PDE2A: variants seen among roughly 807,000 people sequenced by gnomAD.
PDE2A encodes cGMP-dependent 3',5'-cyclic phosphodiesterase.
A neutral mutation model predicts 133.6 loss-of-function variants in PDE2A; 53 were observed. That is an observed-to-expected ratio of 0.40 (90% CI 0.32 to 0.50). PDE2A has a LOEUF of 0.50. PDE2A is among the 20% of genes least tolerant of loss of function. The pLI is 0.73. For missense variants in PDE2A, 796 were observed against 1,232.4 expected (o/e 0.65, Z 5.30); for synonymous variants, 491 against 490.2 (o/e 1.00, Z -0.02).
chr11:72,603,774 G>A (rs1421330465), intron 4 of PDE2A, among the ~76,000 whole-genome samples: 5 of 152,194 alleles, frequency 3.3e-5, no homozygotes, highest in Admixed American at 6.5e-5. Flanking sequence ...GCTCCTTGAC[G>A]GAGAAGTTGT....
Position 72,576,992 on chromosome 11 carries a change from G to A in PDE2A, c.*392C>T, listed in dbSNP as rs1197235550. On this transcript the variant is annotated 3_prime_UTR_variant, in exon 31 of 31. Coordinates refer to ENST00000334456, the MANE Select transcript of PDE2A (RefSeq NM_002599.5). The stretch of plus-strand genomic sequence containing the variant: ...ACCTTCCCCTTCCATGAGGATCCTG[G>A]AGACCCCAAAGGGTGGGAGTCCTCA... 1 of 199,482 alleles carries A rather than the reference G, an allele frequency of 5.0e-6. No individual in the cohort carries two copies. Among genetic ancestry groups the A allele is most frequent in the Non-Finnish European group, 1.1e-5 (1 of 93,604 alleles). The allele number at this position is 199,482 out of a possible 1,614,324, so 12.4% of individuals were successfully genotyped here. A position where few individuals can be genotyped will look rare whatever the true frequency, so the allele number is the denominator to read the frequency against.
intron 4 of PDE2A, among the ~76,000 whole-genome samples, chr11:72,603,402 C>T (rs1037709231): frequency 2.0e-5 from 3 of 152,284 alleles, no homozygotes; most frequent in Middle Eastern, 3.4e-3. Flanking sequence ...ATGCCTGGAC[C>T]GCAGATACGC....
At chr11:72,609,444 A>G (rs1472388836) in intron 2 of PDE2A, among the ~76,000 whole-genome samples, 2 of 152,154 alleles carry the variant, frequency 1.3e-5, no homozygotes, top group Non-Finnish European at 2.9e-5. Context: ...TGAGAGTAGC[A>G]AGAGCCTATG....
intron 1 of PDE2A, among the ~76,000 whole-genome samples, chr11:72,667,360 TCTTA>T (rs1301020990): frequency 1.3e-5 from 2 of 152,132 alleles, no homozygotes; most frequent in Non-Finnish European, 2.9e-5. Flanking sequence ...CATTTCCAAA[TCTTA>T]GCCTGTCCCA....
At chr11:72,672,501 G>C (rs1855407679) in intron 1 of PDE2A, among the ~76,000 whole-genome samples, 1 of 152,114 alleles carries the variant, frequency 6.6e-6, no homozygotes, top group Non-Finnish European at 1.5e-5. Context: ...CAGGTTTCTA[G>C]AACCCAAATC....
chr11:72,602,375 T>C (rs1204302089), intron 4 of PDE2A, among the ~76,000 whole-genome samples: 1 of 152,108 alleles, frequency 6.6e-6, no homozygotes, highest in African/African-American at 2.4e-5. Flanking sequence ...GCCTCGGGCC[T>C]CCTTATCTGT....
Position 72,674,196 on chromosome 11 carries a change from T to A in PDE2A, c.12A>T (p.Ala4=), listed in dbSNP as rs1183706394. 18 of 1,611,010 alleles carry A rather than the reference T, an allele frequency of 1.1e-5. No individual in the cohort carries two copies. Among genetic ancestry groups the A allele is most frequent in the Non-Finnish European group, 1.4e-5 (16 of 1,179,722 alleles). The stretch of plus-strand genomic sequence containing the variant: ...TCCTGCAGAGGATGGAGTGGCCGCA[T>A]GCCTGCCCCATCACTCCTCATCGTC... MGQ[A]CGHSILCRSQ... The change falls in exon 1 of 31, where the codon GCA becomes GCT. Residue 4 remains alanine, a synonymous_variant. Transcript: ENST00000334456.
intron 2 of PDE2A, among the ~76,000 whole-genome samples, chr11:72,640,626 C>A (rs1717770922): frequency 6.6e-6 from 1 of 152,196 alleles, no homozygotes. Context: ...ACCTAGGCTG[C>A]AAACACATTG....
chr11:72,629,310 G>A (rs1254675458), intron 2 of PDE2A, among the ~76,000 whole-genome samples: 3 of 152,218 alleles, frequency 2.0e-5, no homozygotes, highest in African/African-American at 7.2e-5. Context: ...ATAGCAGGGT[G>A]CCTGGAGCCA....
At chr11:72,580,450 G>A (rs1406680233) in intron 25 of PDE2A, 127 bp downstream of exon 25, 2 of 743,036 alleles carry the variant, frequency 2.7e-6, no homozygotes, top group Non-Finnish European at 4.8e-6. Context: ...ACATGTCCTA[G>A]GTGTGGCTGC....
chr11:72,672,875 A>G (rs1433087918), intron 1 of PDE2A, among the ~76,000 whole-genome samples: 1 of 152,110 alleles, frequency 6.6e-6, no homozygotes, highest in Non-Finnish European at 1.5e-5. Context: ...TCATACATTC[A>G]GCCCCTCCCT....
At chr11:72,656,369 GA>G (rs1854902023) in intron 1 of PDE2A, among the ~76,000 whole-genome samples, 1 of 152,198 alleles carries the variant, frequency 6.6e-6, no homozygotes, top group Non-Finnish European at 1.5e-5. Context: ...AGGAGAATGT[GA>G]GGGGCTCGGG....
intron 2 of PDE2A, among the ~76,000 whole-genome samples, chr11:72,628,651 C>T (rs1382505187): frequency 1.3e-5 from 2 of 152,220 alleles, no homozygotes; most frequent in African/African-American, 4.8e-5. Flanking sequence ...CTTATCCCGC[C>T]TGGCAGGTGA....
chr11:72,579,797 G>A, intron 25 of PDE2A, 189 bp from the exon 26 acceptor site: 2 of 588,900 alleles, frequency 3.4e-6, no homozygotes, highest in South Asian at 4.2e-5. Context: ...CCCAGGGTGA[G>A]TCCCTAGACC....
At position 72,590,659 on chromosome 11, in the gene PDE2A, C is replaced by CCCG; in HGVS notation, c.550-82_550-80dup. Reference sequence around the variant, plus strand: ...CTGCAGCGGGATTCCTGCCTTTGCTCCCGCCGTTCCCTCTGCCTGCCGGGC... The same window carrying CCCG: ...CTGCAGCGGGATTCCTGCCTTTGCTCCCGCCGCCGTTCCCTCTGCCTGCCGGGC... On this transcript the variant is annotated intron_variant, in intron 7 of 30. Transcript: ENST00000334456. The surrounding 1 kb of genome is among the most constrained non-coding windows in gnomAD (Gnocchi z 4.8). The CCCG allele has an allele frequency of 7.9e-7, 1 of 1,259,346 alleles. No individual in the cohort carries two copies. Among genetic ancestry groups the CCCG allele is most frequent in the Non-Finnish European group, 1.0e-6 (1 of 981,310 alleles). 78.0% of individuals were successfully genotyped at this position (1,259,346 alleles called of 1,614,324 possible). A position where few individuals can be genotyped will look rare whatever the true frequency, so the allele number is the denominator to read the frequency against.
Position 72,578,897 on chromosome 11 carries a change from C to T in PDE2A, c.2469G>A (p.Ala823=), listed in dbSNP as rs1263976937. The stretch of plus-strand genomic sequence containing the variant: ...CCTTCCCAGGGAGGACTACACCTAC[C>T]GCGATCTTTCTCGTAGTCTTCCAGC... ...TKGWKTTRKI[A]ELIYKEFFSQ... is the part of the protein sequence containing the mutation. The change falls in exon 28 of 31, where the codon GCG becomes GCA. Residue 823 remains alanine (A), a splice_region_variant and synonymous_variant. Coordinates refer to ENST00000334456, the MANE Select transcript of PDE2A (RefSeq NM_002599.5). This position sits in a 1 kb window ranked among gnomAD's most constrained non-coding sequence, Gnocchi z 4.2. 16 of 1,601,652 alleles carry T rather than the reference C, an allele frequency of 1.0e-5. No individual in the cohort carries two copies. The highest frequency in any genetic ancestry group is 3.3e-5 in the South Asian group (3 of 90,720).
At chr11:72,641,323 G>C (rs568440703) in intron 2 of PDE2A, among the ~76,000 whole-genome samples, 111 of 152,336 alleles carry the variant, frequency 7.3e-4, no homozygotes, top group African/African-American at 2.5e-3. Flanking sequence ...TGCCATGCCT[G>C]AGAACATGGG....
chr11:72,590,177 G>T lies in PDE2A; in HGVS notation c.756+15C>A. On this transcript the variant is annotated intron_variant, in intron 9 of 30. Coordinates refer to ENST00000334456, the MANE Select transcript of PDE2A (RefSeq NM_002599.5). This position sits in a 1 kb window ranked among gnomAD's most constrained non-coding sequence, Gnocchi z 4.8. ...ACAGGACGGGGAGGTGGCCGGCAGG[G>T]GCGCAGGGACTCACGTATTGGAGCA... 1 of 1,545,044 alleles carries T rather than the reference G, an allele frequency of 6.5e-7. No homozygotes were observed. The highest frequency in any genetic ancestry group is 1.2e-5 in the South Asian group (1 of 83,824).
chr11:72,604,858 T>C (rs919698929), intron 4 of PDE2A, among the ~76,000 whole-genome samples: 1 of 152,234 alleles, frequency 6.6e-6, no homozygotes, highest in Non-Finnish European at 1.5e-5. Flanking sequence ...TCTGAGACTC[T>C]GCTCTGAGGA....
Sources: allele counts gnomAD v4.1 joint callset (sites outside exome capture counted in the v4.1 genomes callset), GRCh38; gene constraint gnomAD v4.1.1; non-coding constraint Gnocchi (gnomAD v3.1); transcripts MANE v1.5; gene names NCBI Gene and HGNC (gene_info 2026-07-23, HGNC 2026-07-21).